Variants in PEX1 observed in about 807,000 individuals in gnomAD.
PEX1 encodes peroxisomal biogenesis factor 1.
PEX1 carries 97 observed loss-of-function variants against 152.5 expected under a neutral mutation model. The ratio of observed to expected loss-of-function variants is 0.64; its 90% CI spans 0.54 to 0.75. The LOEUF (loss-of-function observed/expected upper bound fraction) is 0.75. PEX1 is among the 30% of genes least tolerant of loss of function. PEX1 has a pLI of 0.00. For synonymous variants in PEX1, 485 were observed against 531.6 expected (o/e 0.91, Z 1.21); for missense variants, 1,357 against 1,516.3 (o/e 0.89, Z 1.74).
At chr7:92,527,259 C>T (rs984256841) in intron 1 of PEX1, among the ~76,000 whole-genome samples, 8 of 152,182 alleles carry the variant, frequency 5.3e-5, no homozygotes, top group African/African-American at 1.7e-4. Context: ...AGCATTCCTA[C>T]TATTAAGTGC....
At chr7:92,512,680 G>T (rs887251607) in intron 6 of PEX1, among the ~76,000 whole-genome samples, 1 of 151,910 alleles carries the variant, frequency 6.6e-6, no homozygotes, top group African/African-American at 2.4e-5. Flanking sequence ...AGTAGAGATG[G>T]GGTTTCACCA....
rs757327900 is a variant in PEX1 at position 92,528,460 on chromosome 7, C to T, written c.-25G>A. ...TCGTCCCGGAGCGTCGCTCTGGGTT[C>T]GCCCACCCTAGCGCCGCAAAGGACC... On this transcript the variant is annotated 5_prime_UTR_variant, in exon 1 of 24. Coordinates refer to ENST00000248633, the MANE Select transcript of PEX1 (RefSeq NM_000466.3). The T allele has an allele frequency of 6.4e-7, 1 of 1,565,500 alleles. No individual in the cohort carries two copies. Among genetic ancestry groups the T allele is most frequent in the Non-Finnish European group, 8.6e-7 (1 of 1,158,170 alleles).
chr7:92,512,756 T>C (rs575660667), intron 6 of PEX1, among the ~76,000 whole-genome samples: 23 of 152,028 alleles, frequency 1.5e-4, no homozygotes, highest in Non-Finnish European at 2.5e-4. Flanking sequence ...TCCCGAAGTG[T>C]TGGGATAACA....
At chr7:92,502,749 A>AG (rs1791992034) in intron 13 of PEX1, among the ~76,000 whole-genome samples, 1 of 152,176 alleles carries the variant, frequency 6.6e-6, no homozygotes, top group African/African-American at 2.4e-5. Context: ...GGAAAAAAAA[A>AG]GTTTAATTAA....
At chr7:92,498,068 G>GAAA (rs781116048) in intron 16 of PEX1, among the ~76,000 whole-genome samples, 54 of 50,822 alleles carry the variant, frequency 1.1e-3, no homozygotes, top group African/African-American at 2.5e-3. Context: ...CAGTCTCAGA[G>GAAA]AAAAAAAAAA....
intron 15 of PEX1, 123 bp downstream of exon 15, chr7:92,501,384 G>T: frequency 1.3e-6 from 1 of 743,336 alleles, no homozygotes. Context: ...ACATTTATTT[G>T]GTAACTCAGT....
chr7:92,504,637 T>C (rs545322857), intron 12 of PEX1, 95 bp downstream of exon 12: 1 of 1,218,704 alleles, frequency 8.2e-7, no homozygotes, highest in Non-Finnish European at 1.2e-6. Context: ...ACATAACACA[T>C]ATATTATTCT....
chr7:92,500,885 C>T (rs1366547600), intron 15 of PEX1, among the ~76,000 whole-genome samples: 1 of 152,150 alleles, frequency 6.6e-6, no homozygotes, highest in Non-Finnish European at 1.5e-5. Context: ...GACTGACATC[C>T]CGGGTCTGGA....
In PEX1 at chr7:92,491,364, T is replaced by A; in HGVS notation, c.3346A>T (p.Ile1116Phe). The A allele has an allele frequency of 2.5e-6, 4 of 1,613,956 alleles. No individual in the cohort carries two copies. The highest frequency in any genetic ancestry group is 3.4e-6 in the Non-Finnish European group (4 of 1,179,834). Residue 1116 changes from isoleucine (I) to phenylalanine (F), a missense_variant, in exon 21 of 24, where the codon ATC becomes TTC. By Grantham distance (21) the Ile-to-Phe change is conservative. Transcript: ENST00000248633. Reference sequence around the variant, plus strand: ...TTGAATTTTGATTCATCTGGAAGGATCTCGGACATCTCTAAAGAAACAAGG... The same window carrying A: ...TTGAATTTTGATTCATCTGGAAGGAACTCGGACATCTCTAAAGAAACAAGG... Reference protein sequence around the residue: ...QSLVSLEMSEILPDESKFNMY... With the variant: ...QSLVSLEMSEFLPDESKFNMY...
rs1318896635 is a variant in PEX1, at chr7:92,511,761, C to A, written c.1360-58G>T. On this transcript the variant is annotated intron_variant, in intron 6 of 23. Coordinates refer to ENST00000248633, the MANE Select transcript of PEX1 (RefSeq NM_000466.3). ...TCATATCTGAACTTAACTTTAACACCCTTATTTTAACATCTGATCTTCCTA... is the reference window on the plus strand; with the variant it reads ...TCATATCTGAACTTAACTTTAACACACTTATTTTAACATCTGATCTTCCTA... 2.7e-6 allele frequency: 4 copies of A among 1,497,344 alleles called. No homozygotes were observed. The African/African-American group carries it at 4.1e-5, about 15-fold the overall frequency. 92.8% of individuals were successfully genotyped at this position (1,497,344 alleles called of 1,614,324 possible).
chr7:92,521,727 G>A (rs1562869603), intron 2 of PEX1, among the ~76,000 whole-genome samples: 2 of 152,068 alleles, frequency 1.3e-5, no homozygotes, highest in African/African-American at 2.4e-5. Context: ...GTGAGCCACC[G>A]CACCCAGCTG....
intron 23 of PEX1, among the ~76,000 whole-genome samples, chr7:92,488,867 G>A (rs1270907752): frequency 1.3e-5 from 2 of 151,870 alleles, no homozygotes; most frequent in Non-Finnish European, 2.9e-5. Context: ...CCAAGTAGCT[G>A]GGACTACAGG....
intron 2 of PEX1, among the ~76,000 whole-genome samples, 188 bp downstream of exon 2, chr7:92,521,914 G>A (rs1477400462): frequency 6.6e-6 from 1 of 152,058 alleles, no homozygotes; most frequent in African/African-American, 2.4e-5. Context: ...TAGGGAGTAT[G>A]GTAAACTACA....
chr7:92,501,938 G>A lies in PEX1; in HGVS notation c.2368C>T (p.Arg790Ter), dbSNP rs61750417. 9.9e-6 allele frequency: 16 copies of A among 1,613,758 alleles called. No individual in the cohort carries two copies. Among genetic ancestry groups the A allele is most frequent in the South Asian group, 4.4e-5 (4 of 91,038 alleles). The change falls in exon 14 of 24, where the codon CGA becomes TGA. Residue 790 changes from arginine (R) to a stop codon, truncating the protein, a stop_gained. Transcript: ENST00000248633. LOFTEE classifies it high-confidence loss of function. ...CGAGAGAGTCGAGAATGTATGGCTC[G>A]ATCCACAAGTACTGTAAAATCTCTA... ...VARDFTVLVD[R>*]AIHSRLSRQS...
rs183555989 is a variant in PEX1, at chr7:92,524,335, T to A, written c.130-2090A>T. On this transcript the variant is annotated intron_variant, in intron 1 of 23. Transcript: ENST00000248633. ...CAGGCTGGAGGGCAGTGGCACAATC[T>A]CGGCTCACTGCAACCTCCACCTCCC... 3.0e-3 allele frequency among the ~76,000 whole-genome samples: 458 copies of A among 150,654 alleles called. 5 individuals are homozygous for A. The highest frequency in any genetic ancestry group is 0.011 in the African/African-American group (446 of 41,092).
intron 23 of PEX1, among the ~76,000 whole-genome samples, chr7:92,488,078 T>C (rs1042679635): frequency 1.3e-5 from 2 of 152,202 alleles, no homozygotes; most frequent in African/African-American, 4.8e-5. Context: ...TGTCTAAAAA[T>C]TGGATATTGT....
chr7:92,499,737 T>C lies in PEX1; in HGVS notation c.2685A>G (p.Ala895=). ...TGKTLLAGVI[A]RESRMNFISV... ...TTATAAAATTCATTCTACTCTCTCGTGCAATTACCCCAGCTAGTAAGGTTT... is the reference window on the plus strand; with the variant it reads ...TTATAAAATTCATTCTACTCTCTCGCGCAATTACCCCAGCTAGTAAGGTTT... The change falls in exon 16 of 24, where the codon GCA becomes GCG. Residue 895 remains alanine (A), a synonymous_variant. Coordinates refer to ENST00000248633, the MANE Select transcript of PEX1 (RefSeq NM_000466.3). 1.2e-6 allele frequency: 2 copies of C among 1,613,406 alleles called. No individual in the cohort carries two copies. The highest frequency in any genetic ancestry group is 2.7e-5 in the African/African-American group (2 of 75,006).
chr7:92,494,408 A>T lies in PEX1; in HGVS notation c.2927-12T>A, dbSNP rs375062546. On this transcript the variant is annotated splice_polypyrimidine_tract_variant and intron_variant, in intron 18 of 23. Transcript: ENST00000248633. ...CAATACATAAACACCTAGAGGAAAA[A>T]AGAACATTTTTTTACCAAAATCTGA... 419 of 1,613,556 alleles carry T rather than the reference A, an allele frequency of 2.6e-4. 1 individual carries two copies. The highest frequency in any genetic ancestry group is 3.3e-4 in the Non-Finnish European group (394 of 1,179,608).
At chr7:92,489,976 A>G (rs1272614443) in intron 21 of PEX1, 65 bp from the exon 22 acceptor site, 2 of 1,210,590 alleles carry the variant, frequency 1.7e-6, no homozygotes, top group Middle Eastern at 2.1e-4. Context: ...CTATGTGTTT[A>G]CCAAATATAA....
Sources: allele counts gnomAD v4.1 joint callset (sites outside exome capture counted in the v4.1 genomes callset), GRCh38; gene constraint gnomAD v4.1.1; transcripts MANE v1.5; gene names NCBI Gene and HGNC (gene_info 2026-07-23, HGNC 2026-07-21).